The following PRTFDC1 variants were observed in gnomAD, a reference collection of about 807,000 sequenced individuals.
The protein encoded by PRTFDC1 is phosphoribosyl transferase domain containing 1, also known as phosphoribosyltransferase domain-containing protein 1.
PRTFDC1 carries 38 observed loss-of-function variants against 34.6 expected under a neutral mutation model. The ratio of observed to expected loss-of-function variants is 1.10; its 90% CI spans 0.85 to 1.44. The LOEUF (loss-of-function observed/expected upper bound fraction) is 1.44. Among genes scored for constraint, PRTFDC1 ranks in the 40% most tolerant of loss-of-function variants. The probability of loss-of-function intolerance (pLI) is 0.00; values close to 1 mark genes in which losing one functional copy is unlikely to be tolerated. For missense variants in PRTFDC1, 270 were observed against 283.0 expected, an observed-to-expected ratio of 0.95 and a Z score of 0.33; for synonymous variants, 93 against 98.1, an observed-to-expected ratio of 0.95 and a Z score of 0.31.
intron 3 of PRTFDC1, among the ~76,000 whole-genome samples, chr10:24,909,640 G>A (rs1270601223): frequency 6.6e-6 from 1 of 152,110 alleles, no homozygotes; most frequent in African/African-American, 2.4e-5. Flanking sequence ...AATAGTTAAA[G>A]ACAAATATGC....
intron 3 of PRTFDC1, among the ~76,000 whole-genome samples, chr10:24,926,962 A>G (rs1042730427): frequency 3.3e-5 from 5 of 152,246 alleles, no homozygotes; most frequent in Admixed American, 6.5e-5. Flanking sequence ...ATAAATTTGA[A>G]TATGAAGAAT....
intron 3 of PRTFDC1, among the ~76,000 whole-genome samples, chr10:24,873,686 A>G (rs1847914918): frequency 6.6e-6 from 1 of 152,058 alleles, no homozygotes; most frequent in African/African-American, 2.4e-5. Context: ...CAGCTACTCA[A>G]GCCAATTCCC....
At chr10:24,878,741 G>A (rs1414507604) in intron 3 of PRTFDC1, among the ~76,000 whole-genome samples, 1 of 152,106 alleles carries the variant, frequency 6.6e-6, no homozygotes, top group Non-Finnish European at 1.5e-5. Flanking sequence ...AACCGAGGAA[G>A]AATACATATC....
At chr10:24,934,139 A>G (rs1849010958) in intron 3 of PRTFDC1, among the ~76,000 whole-genome samples, 1 of 152,114 alleles carries the variant, frequency 6.6e-6, no homozygotes, top group Non-Finnish European at 1.5e-5. Flanking sequence ...AAATAGAAAC[A>G]ACCCAAATAT....
chr10:24,938,838 C>T (rs1488029112), intron 2 of PRTFDC1, among the ~76,000 whole-genome samples: 1 of 152,156 alleles, frequency 6.6e-6, no homozygotes, highest in Non-Finnish European at 1.5e-5. Context: ...GGAAAGTAAA[C>T]ATCGAAAGAT....
rs756378503 is a variant in PRTFDC1, at chr10:24,880,980, CCCTT to C, written c.340-8921_340-8918del. ...TTCTTTCTTTCTTTCCTTTCTTCCT[CCCTT>C]CCTCCCTCCCTCCTTCCTTCCTTTC... is the stretch of plus-strand genomic sequence containing the variant. On this transcript the variant is annotated intron_variant, in intron 3 of 8. Coordinates refer to ENST00000320152, the MANE Select transcript of PRTFDC1 (RefSeq NM_020200.7). Among the ~76,000 whole-genome samples the C allele has an allele frequency of 1.4e-3, 196 of 139,316 alleles. 2 individuals carry two copies. The highest frequency in any genetic ancestry group is 3.5e-3 in the Middle Eastern group (1 of 286). 91.4% of individuals were successfully genotyped at this position (139,316 alleles called of 152,430 possible).
chr10:24,949,725 T>G (rs1849307224), intron 1 of PRTFDC1, among the ~76,000 whole-genome samples: 1 of 112,962 alleles, frequency 8.9e-6, no homozygotes, highest in African/African-American at 2.8e-5. Flanking sequence ...GTTTATTTAT[T>G]TATTTATTTA....
chr10:24,931,997 C>T (rs1247577380), intron 3 of PRTFDC1, among the ~76,000 whole-genome samples: 3 of 151,264 alleles, frequency 2.0e-5, no homozygotes, highest in African/African-American at 7.3e-5. Flanking sequence ...AAGTTGAATC[C>T]ACCAATACAT....
At chr10:24,874,276 G>A (rs566339279) in intron 3 of PRTFDC1, among the ~76,000 whole-genome samples, 2 of 152,210 alleles carry the variant, frequency 1.3e-5, no homozygotes, top group East Asian at 3.9e-4. Context: ...ATTTACAGAT[G>A]TTTTGCTGTT....
At chr10:24,922,837 G>T (rs1453845243) in intron 3 of PRTFDC1, among the ~76,000 whole-genome samples, 5 of 152,198 alleles carry the variant, frequency 3.3e-5, no homozygotes, top group Admixed American at 2.6e-4. Context: ...GAAGTGGGGT[G>T]GGGCATTGCC....
chr10:24,913,819 T>TA (rs1848659554), intron 3 of PRTFDC1, among the ~76,000 whole-genome samples: 1 of 152,214 alleles, frequency 6.6e-6, no homozygotes, highest in South Asian at 2.1e-4. Context: ...AGTTGTAGAT[T>TA]CAAGATGCAC....
In PRTFDC1 at chr10:24,943,814, A is replaced by G. The variant is rs185706186; in HGVS notation, c.49-1378T>C. On this transcript the variant is annotated intron_variant, in intron 1 of 8. Coordinates refer to ENST00000320152, the MANE Select transcript of PRTFDC1 (RefSeq NM_020200.7). Reference sequence around the variant, plus strand: ...CCATCCGCCTGCCTTAGCCTCCCAAAGTGCTGGGATTACACGCATTAGCCA... The same window carrying G: ...CCATCCGCCTGCCTTAGCCTCCCAAGGTGCTGGGATTACACGCATTAGCCA... Among the ~76,000 whole-genome samples, 3 of 151,998 alleles carry G rather than the reference A, an allele frequency of 2.0e-5. No individual in the cohort carries two copies. In the East Asian group the frequency reaches 5.8e-4, roughly 30 times the overall value.
At chr10:24,923,806 G>C (rs1848829112) in intron 3 of PRTFDC1, among the ~76,000 whole-genome samples, 1 of 152,162 alleles carries the variant, frequency 6.6e-6, no homozygotes, top group African/African-American at 2.4e-5. Flanking sequence ...ATGAGTTTGA[G>C]GAGTTGACAG....
At chr10:24,923,915 G>A (rs1848831515) in intron 3 of PRTFDC1, among the ~76,000 whole-genome samples, 1 of 152,148 alleles carries the variant, frequency 6.6e-6, no homozygotes, top group Non-Finnish European at 1.5e-5. Flanking sequence ...AAAAAGGTTA[G>A]ATAAATGGCT....
chr10:24,923,996 C>T lies in PRTFDC1; in HGVS notation c.339+13188G>A, dbSNP rs60347372. On this transcript the variant is annotated intron_variant, in intron 3 of 8. Transcript: ENST00000320152. Reference sequence around the variant, plus strand: ...GCTGAAAACCACAGTACGAGAACTTCGTGACGCATGCACAAGCTTCAATAG... The same window carrying T: ...GCTGAAAACCACAGTACGAGAACTTTGTGACGCATGCACAAGCTTCAATAG... 3.8e-3 allele frequency among the ~76,000 whole-genome samples: 578 copies of T among 152,240 alleles called. 21 individuals are homozygous for T. In the East Asian group the frequency reaches 0.087, roughly 23 times the overall value.
At chr10:24,944,674 T>G (rs1039472947) in intron 1 of PRTFDC1, among the ~76,000 whole-genome samples, 2 of 152,124 alleles carry the variant, frequency 1.3e-5, no homozygotes, top group Non-Finnish European at 2.9e-5. Context: ...TCCGAGCTAC[T>G]CAGTAGGCCA....
rs373920186 is a variant in PRTFDC1 at position 24,923,144 on chromosome 10, G to A, written c.339+14040C>T. On this transcript the variant is annotated intron_variant, in intron 3 of 8. Coordinates refer to ENST00000320152, the MANE Select transcript of PRTFDC1 (RefSeq NM_020200.7). ...TTCAGTATGTAAACAAAGTGGCTGG[G>A]AAGCTCAAACTGGGCAGAGCCCACC... Among the ~76,000 whole-genome samples, 5 of 152,336 alleles carry A rather than the reference G, an allele frequency of 3.3e-5. 1 individual carries two copies. In the East Asian group the frequency reaches 9.6e-4, roughly 29 times the overall value.
At chr10:24,889,365 GTTGT>G (rs1848224036) in intron 3 of PRTFDC1, among the ~76,000 whole-genome samples, 1 of 152,086 alleles carries the variant, frequency 6.6e-6, no homozygotes, top group South Asian at 2.1e-4. Context: ...AGAAATTTCT[GTTGT>G]TTATAAGCCA....
Position 24,872,077 on chromosome 10 carries a change from G to T in PRTFDC1, c.340-14C>A. 6.3e-7 allele frequency: 1 copy of T among 1,583,294 alleles called. No individual in the cohort carries two copies. Reference sequence around the variant, plus strand: ...GGACTGGTCATTCTGCAAAAAAGAAGAAAAAAAAGGGAGACAATTTTACCG... The same window carrying T: ...GGACTGGTCATTCTGCAAAAAAGAATAAAAAAAAGGGAGACAATTTTACCG... On this transcript the variant is annotated splice_polypyrimidine_tract_variant and intron_variant, in intron 3 of 8. Transcript: ENST00000320152.
Sources: gnomAD v4.1 joint callset for allele counts (sites outside exome capture counted in the v4.1 genomes callset) on GRCh38, gnomAD v4.1.1 for gene constraint, MANE v1.5 for transcripts, NCBI Gene and HGNC (gene_info 2026-07-23, HGNC 2026-07-21) for gene names.